The following CCDC146 variants were observed in gnomAD, a reference collection of about 807,000 sequenced individuals.
The protein encoded by CCDC146 is coiled-coil domain containing 146, also known as coiled-coil domain-containing protein 146.
Under a neutral mutation model 119.3 loss-of-function variants are expected in CCDC146, and 92 were observed. The observed-to-expected ratio is 0.77, with a 90% confidence interval of 0.65 to 0.92. The LOEUF (loss-of-function observed/expected upper bound fraction) is 0.92. CCDC146 is among the 40% of genes least tolerant of loss of function. The pLI is 0.00. For synonymous variants in CCDC146, 372 were observed against 371.8 expected (o/e 1.00, Z -0.01); for missense variants, 1,000 against 1,103.0 (o/e 0.91, Z 1.32).
chr7:77,161,719 A>G (rs1791265083), intron 1 of CCDC146, among the ~76,000 whole-genome samples: 1 of 151,752 alleles, frequency 6.6e-6, no homozygotes, highest in Non-Finnish European at 1.5e-5. Flanking sequence ...GCACACCAGC[A>G]TGGCACATGT....
chr7:77,220,985 C>T (rs1324870248), intron 2 of CCDC146, among the ~76,000 whole-genome samples: 3 of 152,124 alleles, frequency 2.0e-5, no homozygotes, highest in Non-Finnish European at 2.9e-5. Flanking sequence ...CTGGGAAGAC[C>T]TCAGGGAGCT....
At chr7:77,291,868 T>G (rs1793949850) in intron 17 of CCDC146, among the ~76,000 whole-genome samples, 1 of 152,248 alleles carries the variant, frequency 6.6e-6, no homozygotes, top group Non-Finnish European at 1.5e-5. Flanking sequence ...GGTTTTCATT[T>G]AAAAAGTCAT....
At chr7:77,256,151 A>T (rs904018265) in intron 5 of CCDC146, among the ~76,000 whole-genome samples, 182 bp from the exon 6 acceptor site, 2 of 152,240 alleles carry the variant, frequency 1.3e-5, no homozygotes, top group African/African-American at 4.8e-5. Flanking sequence ...TTTGTTAAAG[A>T]TGTCAGAAAT....
Position 77,153,496 on chromosome 7 carries a change from C to T in CCDC146, c.-11-14162C>T, listed in dbSNP as rs548841653. Reference sequence around the variant, plus strand: ...AAAATTAGCAAAGCATCTGAACAAACATTTCACCAACCCAAATGTACAGAT... The same window carrying T: ...AAAATTAGCAAAGCATCTGAACAAATATTTCACCAACCCAAATGTACAGAT... On this transcript the variant is annotated intron_variant, in intron 1 of 18. Coordinates refer to ENST00000285871, the MANE Select transcript of CCDC146 (RefSeq NM_020879.3). 1.4e-4 allele frequency among the ~76,000 whole-genome samples: 20 copies of T among 143,756 alleles called. No homozygotes were observed. The South Asian group carries it at 4.4e-3, about 31-fold the overall frequency. 94.3% of individuals were successfully genotyped at this position (143,756 alleles called of 152,430 possible). A position where few individuals can be genotyped will look rare whatever the true frequency, so the allele number is the denominator to read the frequency against.
chr7:77,203,190 T>C (rs1792025286), intron 2 of CCDC146, among the ~76,000 whole-genome samples: 1 of 151,756 alleles, frequency 6.6e-6, no homozygotes, highest in Admixed American at 6.6e-5. Flanking sequence ...GGAGGCATTA[T>C]TACCAAGGCA....
At chr7:77,278,372 G>C (rs1448074563) in intron 11 of CCDC146, among the ~76,000 whole-genome samples, 1 of 151,944 alleles carries the variant, frequency 6.6e-6, no homozygotes, top group Non-Finnish European at 1.5e-5. Context: ...CAGCTAGCCA[G>C]GGAATTTTCA....
At chr7:77,170,973 A>G (rs1012625949) in intron 2 of CCDC146, among the ~76,000 whole-genome samples, 8 of 152,194 alleles carry the variant, frequency 5.3e-5, no homozygotes, top group Non-Finnish European at 1.0e-4. Context: ...TTTTAAAACC[A>G]TGATTTCCTT....
chr7:77,196,663 T>G lies in CCDC146; in HGVS notation c.156+28839T>G. On this transcript the variant is annotated intron_variant, in intron 2 of 18. Coordinates refer to ENST00000285871, the MANE Select transcript of CCDC146 (RefSeq NM_020879.3). This position sits in a 1 kb window ranked among gnomAD's most constrained non-coding sequence, Gnocchi z 4.2. ...CATAAAACTGATCATACAAGGCATA[T>G]AGTTCGACACCATTAAAGTCTTCAA... 6.2e-7 allele frequency: 1 copy of G among 1,614,166 alleles called. No individual in the cohort carries two copies. Among genetic ancestry groups the G allele is most frequent in the Admixed American group, 1.7e-5 (1 of 60,038 alleles).
Position 77,167,708 on chromosome 7 carries a change from G to T in CCDC146, c.40G>T (p.Glu14Ter), listed in dbSNP as rs1791356783. Residue 14 changes from glutamate to a stop codon, truncating the protein, a stop_gained, in exon 2 of 19, where the codon GAG becomes TAG. Transcript: ENST00000285871. LOFTEE classifies it high-confidence loss of function. ...SSTDTEKEEE[E>*]EKDEKDQEPI... The stretch of plus-strand genomic sequence containing the variant: ...CACAGACACAGAAAAAGAAGAGGAA[G>T]AGGAGAAAGATGAAAAGGATCAAGA... The T allele has an allele frequency of 1.9e-6, 3 of 1,604,024 alleles. No homozygotes were observed. The highest frequency in any genetic ancestry group is 1.7e-6 in the Non-Finnish European group (2 of 1,175,884).
intron 4 of CCDC146, among the ~76,000 whole-genome samples, chr7:77,249,041 A>G (rs920475278): frequency 6.6e-5 from 10 of 152,180 alleles, no homozygotes; most frequent in Non-Finnish European, 1.5e-5. Flanking sequence ...GAGTTTGACT[A>G]TGTCCTTAAC....
At chr7:77,265,943 C>T (rs1335647408) in intron 9 of CCDC146, among the ~76,000 whole-genome samples, 1 of 152,176 alleles carries the variant, frequency 6.6e-6, no homozygotes, top group Non-Finnish European at 1.5e-5. Context: ...TTTTAATGAC[C>T]ATGTGTGTTG....
At chr7:77,125,222 T>C (rs369408971) in intron 1 of CCDC146, among the ~76,000 whole-genome samples, 83 of 151,620 alleles carry the variant, frequency 5.5e-4, no homozygotes, top group African/African-American at 1.9e-3. Flanking sequence ...TGCTCCCAAA[T>C]AAGACAGTAT....
At chr7:77,236,586 A>G (rs1792741322) in intron 2 of CCDC146, among the ~76,000 whole-genome samples, 1 of 152,228 alleles carries the variant, frequency 6.6e-6, no homozygotes, top group African/African-American at 2.4e-5. Flanking sequence ...TTCAATAACC[A>G]TTCATTTTCT....
At chr7:77,140,226 C>A (rs1451332372) in intron 1 of CCDC146, among the ~76,000 whole-genome samples, 2 of 151,914 alleles carry the variant, frequency 1.3e-5, no homozygotes. Flanking sequence ...CTAATAATAG[C>A]ATTTGGAAAC....
intron 1 of CCDC146, among the ~76,000 whole-genome samples, chr7:77,159,053 T>C (rs1484138145): frequency 6.6e-6 from 1 of 152,110 alleles, no homozygotes; most frequent in African/African-American, 2.4e-5. Context: ...TCTCAATGAG[T>C]TTGGGGATAA....
intron 9 of CCDC146, among the ~76,000 whole-genome samples, chr7:77,265,628 C>T (rs1437368087): frequency 2.0e-5 from 3 of 152,146 alleles, no homozygotes; most frequent in African/African-American, 7.2e-5. Flanking sequence ...AGAAGGGACA[C>T]ATAAACCTAA....
intron 1 of CCDC146, among the ~76,000 whole-genome samples, chr7:77,160,310 T>G (rs1377714977): frequency 1.3e-5 from 2 of 152,204 alleles, no homozygotes; most frequent in Non-Finnish European, 2.9e-5. Flanking sequence ...GTGAAGAAAG[T>G]AATTGGTAGC....
intron 5 of CCDC146, 122 bp from the exon 6 acceptor site, chr7:77,256,211 C>T (rs1331079426): frequency 2.8e-5 from 18 of 654,408 alleles, no homozygotes; most frequent in Non-Finnish European, 4.2e-5. Flanking sequence ...TGTGAGAAAT[C>T]ATTCATGAAC....
At position 77,212,313 on chromosome 7, in the gene CCDC146, G is replaced by C. The variant is rs558102605; in HGVS notation, c.157-24634G>C. Among the ~76,000 whole-genome samples, 8 of 152,130 alleles carry C rather than the reference G, an allele frequency of 5.3e-5. No individual in the cohort carries two copies. The East Asian group carries it at 1.5e-3, about 29-fold the overall frequency. On this transcript the variant is annotated intron_variant, in intron 2 of 18. Transcript: ENST00000285871. ...AAGAATAAGCTTTCCTATTTAATAA[G>C]AATAACAAGTTCAAAAACATATTGA...
Sources: gnomAD v4.1 joint callset for allele counts (sites outside exome capture counted in the v4.1 genomes callset) on GRCh38, gnomAD v4.1.1 for gene constraint, Gnocchi (gnomAD v3.1) non-coding constraint, MANE v1.5 for transcripts, NCBI Gene and HGNC (gene_info 2026-07-23, HGNC 2026-07-21) for gene names.